NUBPL: variants seen among roughly 807,000 people sequenced by gnomAD.
NUBPL encodes NUBP iron-sulfur cluster assembly factor, mitochondrial.
Under a neutral mutation model 45.7 loss-of-function variants are expected in NUBPL, and 31 were observed. The ratio of observed to expected loss-of-function variants is 0.68; its 90% confidence interval spans 0.51 to 0.92. The LOEUF is 0.92. Among genes scored for constraint, NUBPL ranks in the 40% least tolerant of loss-of-function variants. The pLI is 0.00. For missense variants in NUBPL, 401 were observed against 398.7 expected (o/e 1.01, Z -0.05); for synonymous variants, 144 against 140.9 (o/e 1.02, Z -0.15).
At chr14:31,697,447 A>C (rs1033683996) in intron 6 of NUBPL, among the ~76,000 whole-genome samples, 3 of 152,258 alleles carry the variant, frequency 2.0e-5, no homozygotes, top group African/African-American at 7.2e-5. Flanking sequence ...CCACCTTTAC[A>C]ATGTCCTATT....
At position 31,644,020 on chromosome 14, in the gene NUBPL, T is replaced by G. The variant is rs564275721; in HGVS notation, c.383-29335T>G. On this transcript the variant is annotated intron_variant, in intron 4 of 10. Coordinates refer to ENST00000281081, the MANE Select transcript of NUBPL (RefSeq NM_025152.3). Reference sequence around the variant, plus strand: ...TTATAGTTTCTGATTTTATTTTTTTTGGGTCATCCCTCTTTTTTCTTAGTT... The same window carrying G: ...TTATAGTTTCTGATTTTATTTTTTTGGGGTCATCCCTCTTTTTTCTTAGTT... Among the ~76,000 whole-genome samples, 140 of 152,148 alleles carry G rather than the reference T, an allele frequency of 9.2e-4. 1 individual carries two copies. Among genetic ancestry groups the G allele is most frequent in the Non-Finnish European group, 8.7e-4 (59 of 67,956 alleles).
chr14:31,567,370 A>G (rs2033463631), intron 3 of NUBPL, among the ~76,000 whole-genome samples: 1 of 152,138 alleles, frequency 6.6e-6, no homozygotes, highest in African/African-American at 2.4e-5. Context: ...TCAGCATAGG[A>G]AAAATTTCTT....
intron 6 of NUBPL, among the ~76,000 whole-genome samples, chr14:31,778,593 T>C (rs1378501429): frequency 6.6e-6 from 1 of 152,236 alleles, no homozygotes; most frequent in African/African-American, 2.4e-5. Flanking sequence ...TGTGAAGCTC[T>C]TGAGAGACTT....
chr14:31,841,926 T>TG (rs1161613434), intron 8 of NUBPL, among the ~76,000 whole-genome samples: 45 of 115,248 alleles, frequency 3.9e-4, no homozygotes, highest in South Asian at 1.9e-3. Context: ...GCTTTTTTTT[T>TG]TTTTTTTTTT....
Position 31,860,525 on chromosome 14 carries a change from G to A in NUBPL, c.*1345G>A, listed in dbSNP as rs912409442. ...AAGTCAGGTAGCAGATAGTTTTAAA[G>A]CTGCAAGTACTGATAAGTGTGAGCC... On this transcript the variant is annotated 3_prime_UTR_variant, in exon 11 of 11. Transcript: ENST00000281081. 1 of 152,148 alleles carries A rather than the reference G, an allele frequency of 6.6e-6. No homozygotes were observed. The highest frequency in any genetic ancestry group is 1.5e-5 in the Non-Finnish European group (1 of 68,030). The allele number at this position is 152,148 out of a possible 1,614,324, so 9.4% of individuals were successfully genotyped here.
chr14:31,852,342 G>A (rs1017813696), intron 10 of NUBPL, among the ~76,000 whole-genome samples: 3 of 152,134 alleles, frequency 2.0e-5, no homozygotes, highest in Non-Finnish European at 4.4e-5. Flanking sequence ...TGTCCTTGAC[G>A]TGGTATCAAG....
chr14:31,851,668 G>A (rs778099869), intron 10 of NUBPL, among the ~76,000 whole-genome samples: 1 of 151,904 alleles, frequency 6.6e-6, no homozygotes, highest in African/African-American at 2.4e-5. Context: ...TATCATCTTG[G>A]TAATTAAAGT....
chr14:31,592,466 G>C (rs766896148), intron 3 of NUBPL, among the ~76,000 whole-genome samples: 53 of 152,122 alleles, frequency 3.5e-4, no homozygotes, highest in South Asian at 6.2e-4. Flanking sequence ...CAGCCCTGTT[G>C]AGAAGAAAGG....
rs117852889 is a variant in NUBPL, at chr14:31,623,988, A to T, written c.382+24609A>T. Reference sequence around the variant, plus strand: ...CATGGATTTTAGGTAAGGGAGTGACACTCAGTTTTGCATTCTGGGAGGAAC... The same window carrying T: ...CATGGATTTTAGGTAAGGGAGTGACTCTCAGTTTTGCATTCTGGGAGGAAC... On this transcript the variant is annotated intron_variant, in intron 4 of 10. Transcript: ENST00000281081. Among the ~76,000 whole-genome samples the T allele has an allele frequency of 4.9e-4, 74 of 152,232 alleles. No homozygotes were observed. In the East Asian group the frequency reaches 0.014, roughly 28 times the overall value.
chr14:31,601,212 G>T (rs2034423898), intron 4 of NUBPL, among the ~76,000 whole-genome samples: 2 of 152,132 alleles, frequency 1.3e-5, no homozygotes, highest in Non-Finnish European at 2.9e-5. Context: ...TGTTCTTTTG[G>T]CTCAGGATTG....
intron 10 of NUBPL, among the ~76,000 whole-genome samples, chr14:31,856,485 G>A (rs897438027): frequency 3.3e-5 from 5 of 152,026 alleles, no homozygotes; most frequent in South Asian, 2.1e-4. Context: ...AACAGTCCCC[G>A]AAAGTCTTAA....
chr14:31,686,427 A>T (rs548908701), intron 6 of NUBPL, among the ~76,000 whole-genome samples: 3 of 152,326 alleles, frequency 2.0e-5, no homozygotes, highest in South Asian at 4.1e-4. Context: ...AAAGTGATGG[A>T]TAAGTTGGTT....
intron 8 of NUBPL, among the ~76,000 whole-genome samples, chr14:31,840,124 A>G (rs569715752): frequency 6.6e-6 from 1 of 152,330 alleles, no homozygotes; most frequent in Admixed American, 6.5e-5. Flanking sequence ...AAGGAACCGA[A>G]ATCAGTTTAC....
Position 31,846,581 on chromosome 14 carries a change from T to C in NUBPL, c.804T>C (p.Leu268=), listed in dbSNP as rs1388526878. 6.8e-6 allele frequency: 11 copies of C among 1,613,610 alleles called. No homozygotes were observed. Among genetic ancestry groups the C allele is most frequent in the African/African-American group, 1.3e-5 (1 of 75,028 alleles). ...GARKLAQTLG[L]EVLGDIPLHL... is the part of the protein sequence containing the mutation. ...GGAAACTAGCACAGACCCTTGGTCTTGAAGTTCTAGGTAAGACTGTGGGAT... is the reference window on the plus strand; with the variant it reads ...GGAAACTAGCACAGACCCTTGGTCTCGAAGTTCTAGGTAAGACTGTGGGAT... The change falls in exon 9 of 11, where the codon CTT becomes CTC. Residue 268 remains leucine, a synonymous_variant. Coordinates refer to ENST00000281081, the MANE Select transcript of NUBPL (RefSeq NM_025152.3).
At chr14:31,571,290 A>T (rs571903055) in intron 3 of NUBPL, among the ~76,000 whole-genome samples, 172 of 150,924 alleles carry the variant, frequency 1.1e-3, no homozygotes, top group African/African-American at 4.1e-3. Context: ...CCTCCTCTTG[A>T]TGTGCACCTC....
intron 4 of NUBPL, among the ~76,000 whole-genome samples, chr14:31,625,429 C>T (rs1307813582): frequency 2.0e-5 from 3 of 151,598 alleles, no homozygotes; most frequent in Admixed American, 2.0e-4. Context: ...CATTGCTATG[C>T]TCTAGGGATA....
chr14:31,592,655 T>C (rs759935281), intron 3 of NUBPL, among the ~76,000 whole-genome samples: 1 of 152,214 alleles, frequency 6.6e-6, no homozygotes, highest in African/African-American at 2.4e-5. Context: ...AATGTTATTG[T>C]TGATTACTGT....
intron 3 of NUBPL, among the ~76,000 whole-genome samples, chr14:31,581,549 A>G (rs1466269679): frequency 6.6e-6 from 1 of 152,196 alleles, no homozygotes; most frequent in African/African-American, 2.4e-5. Flanking sequence ...ATGTTGTAGC[A>G]TATATTCAAA....
chr14:31,672,101 A>T (rs1375903907), intron 4 of NUBPL, among the ~76,000 whole-genome samples: 1 of 152,136 alleles, frequency 6.6e-6, no homozygotes, highest in Non-Finnish European at 1.5e-5. Flanking sequence ...TATATAAAGG[A>T]TTTTTTTACT....
Sources: gnomAD v4.1 joint callset for allele counts (sites outside exome capture counted in the v4.1 genomes callset) on GRCh38, gnomAD v4.1.1 for gene constraint, MANE v1.5 for transcripts, NCBI Gene and HGNC (gene_info 2026-07-23, HGNC 2026-07-21) for gene names.